RAB8B: variants seen among roughly 807,000 people sequenced by gnomAD.
The protein encoded by RAB8B is ras-related protein Rab-8B.
RAB8B carries 11 observed loss-of-function variants against 32.0 expected under a neutral mutation model. The observed-to-expected ratio is 0.34, with a 90% CI of 0.22 to 0.57. The LOEUF (loss-of-function observed/expected upper bound fraction) is 0.57, where lower values mean the gene tolerates loss of function less well. Among genes scored for constraint, RAB8B ranks in the 20% least tolerant of loss-of-function variants. The probability of loss-of-function intolerance (pLI) is 0.86; values close to 1 mark genes in which losing one functional copy is unlikely to be tolerated. For missense variants in RAB8B, 190 were observed against 258.5 expected (o/e 0.73, Z 1.82); for synonymous variants, 103 against 89.6 (o/e 1.15, Z -0.85).
intron 1 of RAB8B, among the ~76,000 whole-genome samples, chr15:63,220,062 A>G (rs1305933881): frequency 6.6e-6 from 1 of 152,244 alleles, no homozygotes; most frequent in Non-Finnish European, 1.5e-5. Context: ...TTTCTAACCA[A>G]TATGAAATAT....
Position 63,244,276 on chromosome 15 carries a change from T to A in RAB8B, c.125-480T>A, listed in dbSNP as rs981081986. Among the ~76,000 whole-genome samples the A allele has an allele frequency of 3.9e-5, 6 of 152,354 alleles. 1 individual carries two copies. In the Middle Eastern group the frequency reaches 0.017, roughly 432 times the overall value. On this transcript the variant is annotated intron_variant, in intron 1 of 7. Coordinates refer to ENST00000321437, the MANE Select transcript of RAB8B (RefSeq NM_016530.3). ...AACTGTTTAAAATAGATATGCAGGCTTTCCCTCCCTTACTGTCAAATAGGC... is the reference window on the plus strand; with the variant it reads ...AACTGTTTAAAATAGATATGCAGGCATTCCCTCCCTTACTGTCAAATAGGC...
rs927983214 is a variant in RAB8B, at chr15:63,196,531, T to C, written c.124+6783T>C. ...TACTGTGTCTACCTTTCAGAGTTGCTGTGAGCTCCTTAAGGCAAAAATCAA... is the reference window on the plus strand; with the variant it reads ...TACTGTGTCTACCTTTCAGAGTTGCCGTGAGCTCCTTAAGGCAAAAATCAA... On this transcript the variant is annotated intron_variant, in intron 1 of 7. Coordinates refer to ENST00000321437, the MANE Select transcript of RAB8B (RefSeq NM_016530.3). Among the ~76,000 whole-genome samples the C allele has an allele frequency of 2.0e-5, 3 of 152,230 alleles. No individual in the cohort carries two copies. In the East Asian group the frequency reaches 5.8e-4, roughly 29 times the overall value.
At chr15:63,261,526 G>A (rs992553568) in intron 6 of RAB8B, among the ~76,000 whole-genome samples, 2 of 152,152 alleles carry the variant, frequency 1.3e-5, no homozygotes, top group African/African-American at 4.8e-5. Flanking sequence ...CATAAAAAAA[G>A]AGTGAAATCC....
intron 1 of RAB8B, among the ~76,000 whole-genome samples, chr15:63,203,036 C>T (rs1370134274): frequency 6.6e-6 from 1 of 152,176 alleles, no homozygotes; most frequent in African/African-American, 2.4e-5. Flanking sequence ...AGATTAGGAG[C>T]AGGGCTGAGG....
At chr15:63,252,187 G>C (rs548064560) in intron 3 of RAB8B, among the ~76,000 whole-genome samples, 12 of 151,536 alleles carry the variant, frequency 7.9e-5, no homozygotes, top group Non-Finnish European at 1.2e-4. Flanking sequence ...CATAATATCA[G>C]TTAGCTTAAA....
chr15:63,208,295 A>AGGC (rs2037716087), intron 1 of RAB8B, among the ~76,000 whole-genome samples: 1 of 152,178 alleles, frequency 6.6e-6, no homozygotes, highest in African/African-American at 2.4e-5. Flanking sequence ...AGGGTTTTAG[A>AGGC]GGCCCTTACA....
intron 1 of RAB8B, among the ~76,000 whole-genome samples, chr15:63,198,707 T>G (rs535572621): frequency 6.6e-6 from 1 of 152,334 alleles, no homozygotes; most frequent in South Asian, 2.1e-4. Flanking sequence ...ATCATAGATG[T>G]TATCCTGATG....
intron 7 of RAB8B, 79 bp from the exon 8 acceptor site, chr15:63,263,448 G>A (rs2152586097): frequency 9.3e-7 from 1 of 1,073,696 alleles, no homozygotes; most frequent in East Asian, 2.4e-5. Context: ...GGTATGGTTA[G>A]TTATTTTTAT....
chr15:63,233,165 T>C (rs1349269552), intron 1 of RAB8B, among the ~76,000 whole-genome samples: 1 of 151,620 alleles, frequency 6.6e-6, no homozygotes, highest in Admixed American at 6.6e-5. Context: ...CCTCAAGCTA[T>C]CCGCTCACTT....
chr15:63,198,186 G>A (rs543612411), intron 1 of RAB8B, among the ~76,000 whole-genome samples: 1 of 152,212 alleles, frequency 6.6e-6, no homozygotes, highest in South Asian at 2.1e-4. Context: ...TTGGGAGGCC[G>A]CATAAAGTGG....
At chr15:63,222,733 G>A (rs954504163) in intron 1 of RAB8B, among the ~76,000 whole-genome samples, 2 of 152,092 alleles carry the variant, frequency 1.3e-5, no homozygotes, top group African/African-American at 4.8e-5. Context: ...TAGAGATGGG[G>A]TTTCACCATG....
rs1002499818 is a variant in RAB8B, at chr15:63,249,564, T to C, written c.186-81T>C. The C allele has an allele frequency of 3.7e-6, 5 of 1,337,642 alleles. No homozygotes were observed. In the Admixed American group the frequency reaches 9.2e-5, roughly 25 times the overall value. The allele number at this position is 1,337,642 out of a possible 1,614,324, so 82.9% of individuals were successfully genotyped here. On this transcript the variant is annotated intron_variant, in intron 2 of 7. Coordinates refer to ENST00000321437, the MANE Select transcript of RAB8B (RefSeq NM_016530.3). ...CCACTGCACCCTGAGCAGACTAGAATTACATCTCCTACAGCAGGGTTTCTC... is the reference window on the plus strand; with the variant it reads ...CCACTGCACCCTGAGCAGACTAGAACTACATCTCCTACAGCAGGGTTTCTC...
At chr15:63,191,673 G>T (rs754430490) in intron 1 of RAB8B, among the ~76,000 whole-genome samples, 20 of 152,326 alleles carry the variant, frequency 1.3e-4, no homozygotes, top group Middle Eastern at 3.4e-3. Context: ...CTAACAAGTT[G>T]AGTGGGTGTC....
At chr15:63,252,673 T>G (rs2038126160) in intron 3 of RAB8B, among the ~76,000 whole-genome samples, 1 of 152,254 alleles carries the variant, frequency 6.6e-6, no homozygotes, top group Non-Finnish European at 1.5e-5. Context: ...TTGAATTGTT[T>G]TTATTGTGGT....
At chr15:63,197,941 C>T (rs995523363) in intron 1 of RAB8B, among the ~76,000 whole-genome samples, 6 of 152,088 alleles carry the variant, frequency 3.9e-5, no homozygotes, top group Admixed American at 1.3e-4. Context: ...TAGCTATTTG[C>T]TGTCCAACAT....
At chr15:63,221,591 G>T (rs1368222138) in intron 1 of RAB8B, among the ~76,000 whole-genome samples, 1 of 152,018 alleles carries the variant, frequency 6.6e-6, no homozygotes, top group African/African-American at 2.4e-5. Context: ...GTCCCGAACT[G>T]CCCAGTTAAT....
chr15:63,250,983 A>C (rs1215443219), intron 3 of RAB8B, among the ~76,000 whole-genome samples: 2 of 151,744 alleles, frequency 1.3e-5, no homozygotes, highest in East Asian at 3.9e-4. Context: ...AGATCCCCTC[A>C]CTGACATGCT....
chr15:63,201,724 G>A (rs1238014068), intron 1 of RAB8B, among the ~76,000 whole-genome samples: 1 of 152,092 alleles, frequency 6.6e-6, no homozygotes, highest in Non-Finnish European at 1.5e-5. Context: ...AATCATATAA[G>A]GTAGAAGGAG....
intron 1 of RAB8B, among the ~76,000 whole-genome samples, chr15:63,226,058 T>C (rs948687999): frequency 6.6e-6 from 1 of 152,174 alleles, no homozygotes; most frequent in Non-Finnish European, 1.5e-5. Context: ...CAGGCTGGTC[T>C]TGAACTCCTG....
Sources: allele counts gnomAD v4.1 joint callset (sites outside exome capture counted in the v4.1 genomes callset), GRCh38; gene constraint gnomAD v4.1.1; transcripts MANE v1.5; gene names NCBI Gene and HGNC (gene_info 2026-07-23, HGNC 2026-07-21).